TRIM2: variants seen among roughly 807,000 people sequenced by gnomAD.
TRIM2 encodes tripartite motif-containing protein 2.
TRIM2 carries 20 observed loss-of-function variants against 75.2 expected under a neutral mutation model. The observed-to-expected ratio is 0.27, with a 90% CI of 0.19 to 0.39. The LOEUF (loss-of-function observed/expected upper bound fraction) is 0.39. Ranked by LOEUF, TRIM2 falls within the 10% of genes least tolerant of loss-of-function variation. The pLI, the probability that TRIM2 is intolerant of heterozygous loss-of-function variation, is 1.00. For synonymous variants in TRIM2, 373 were observed against 388.3 expected (o/e 0.96, Z 0.46); for missense variants, 660 against 990.8 (o/e 0.67, Z 4.48).
chr4:153,223,776 C>G (rs903826951), intron 1 of TRIM2, among the ~76,000 whole-genome samples: 2 of 152,186 alleles, frequency 1.3e-5, no homozygotes, highest in African/African-American at 4.8e-5. Context: ...CCCGGGAAAT[C>G]ACCAGCTTTA....
At chr4:153,210,924 C>T (rs1446211286) in intron 1 of TRIM2, among the ~76,000 whole-genome samples, 2 of 152,196 alleles carry the variant, frequency 1.3e-5, no homozygotes, top group African/African-American at 4.8e-5. Flanking sequence ...CAGCCCTCTT[C>T]CCACACTCAA....
At chr4:153,316,841 A>G (rs112030629) in intron 8 of TRIM2, among the ~76,000 whole-genome samples, 1 of 147,728 alleles carries the variant, frequency 6.8e-6, no homozygotes, top group Non-Finnish European at 1.5e-5. Context: ...ACACGTCGTC[A>G]AAGATCTTTG....
In TRIM2 at chr4:153,261,492, G is replaced by A. The variant is rs373106288; in HGVS notation, c.31-8843G>A. 2.1e-4 allele frequency among the ~76,000 whole-genome samples: 32 copies of A among 152,198 alleles called. No homozygotes were observed. The East Asian group carries it at 4.2e-3, about 20-fold the overall frequency. Reference sequence around the variant, plus strand: ...AGTGGCACCAAAGAGAAGCAATAACGCAGGAATGCCATAAAATTAGACTGT... The same window carrying A: ...AGTGGCACCAAAGAGAAGCAATAACACAGGAATGCCATAAAATTAGACTGT... On this transcript the variant is annotated intron_variant, in intron 1 of 11. Transcript: ENST00000338700.
chr4:153,175,018 T>G (rs1249538421), intron 1 of TRIM2, among the ~76,000 whole-genome samples: 1 of 30,908 alleles, frequency 3.2e-5, no homozygotes, highest in African/African-American at 1.1e-4. Flanking sequence ...TTTTGTTTTG[T>G]TTTTTTTTGA....
At chr4:153,219,484 G>A (rs1328311266) in intron 1 of TRIM2, among the ~76,000 whole-genome samples, 1 of 152,050 alleles carries the variant, frequency 6.6e-6, no homozygotes, top group South Asian at 2.1e-4. Flanking sequence ...CCACAGATTT[G>A]CCCTGAAACC....
Position 153,315,901 on chromosome 4 carries a change from C to A in TRIM2, c.1684C>A (p.Arg562=). ...GGGACGCTCTCCGGGGCAGCTGCAG[C>A]GGCCCACAGGAGTGGCTGTACATCC... The part of the protein sequence containing the change: ...IRGRSPGQLQ[R]PTGVAVHPSG... Residue 562 remains arginine, a synonymous_variant, in exon 8 of 12, where the codon CGG becomes AGG. Transcript: ENST00000338700. 2.5e-6 allele frequency: 4 copies of A among 1,614,010 alleles called. No individual in the cohort carries two copies. The highest frequency in any genetic ancestry group is 3.4e-6 in the Non-Finnish European group (4 of 1,179,974).
At chr4:153,168,519 G>A (rs945494668) in intron 1 of TRIM2, among the ~76,000 whole-genome samples, 3 of 152,130 alleles carry the variant, frequency 2.0e-5, no homozygotes, top group African/African-American at 7.2e-5. Context: ...GGGAACCACA[G>A]AGTTAGATGA....
chr4:153,241,851 C>T (rs1047248200), intron 1 of TRIM2, among the ~76,000 whole-genome samples: 2 of 152,130 alleles, frequency 1.3e-5, no homozygotes, highest in Non-Finnish European at 2.9e-5. Flanking sequence ...ATAAAGGTCC[C>T]AGGATGCTGC....
In TRIM2 at chr4:153,338,621, A is replaced by G; in HGVS notation, c.*3655A>G. On this transcript the variant is annotated 3_prime_UTR_variant, in exon 12 of 12. Transcript: ENST00000338700. ...TCAAAGATTTGTTTGGTATAAATAA[A>G]GAATTATTTGTTTTGTTTTCAATGA... The G allele has an allele frequency of 2.0e-6, 2 of 985,248 alleles. No homozygotes were observed. The highest frequency in any genetic ancestry group is 9.4e-5 in the South Asian group (2 of 21,274). The allele number at this position is 985,248 out of a possible 1,614,324, so 61.0% of individuals were successfully genotyped here.
intron 1 of TRIM2, among the ~76,000 whole-genome samples, chr4:153,241,727 G>A (rs192932000): frequency 4.7e-4 from 72 of 152,192 alleles, no homozygotes; most frequent in Non-Finnish European, 6.9e-4. Context: ...AAAACAAGGC[G>A]GCCTCCTTTT....
chr4:153,339,010 C>T lies in TRIM2; in HGVS notation c.*4044C>T, dbSNP rs571313365. 1 of 981,580 alleles carries T rather than the reference C, an allele frequency of 1.0e-6. No individual in the cohort carries two copies. Among genetic ancestry groups the T allele is most frequent in the Non-Finnish European group, 1.2e-6 (1 of 828,884 alleles). 60.8% of individuals were successfully genotyped at this position (981,580 alleles called of 1,614,324 possible). A position where few individuals can be genotyped will look rare whatever the true frequency, so the allele number is the denominator to read the frequency against. On this transcript the variant is annotated 3_prime_UTR_variant, in exon 12 of 12. Coordinates refer to ENST00000338700, the MANE Select transcript of TRIM2 (RefSeq NM_015271.5). ...TTTTGTACATTCCATCTTTATAGGT[C>T]TGTTTCATATGTTTTATGTATAGAA...
In TRIM2 at chr4:153,324,111, A is replaced by G; in HGVS notation, c.1985A>G (p.Glu662Gly). 6.2e-7 allele frequency: 1 copy of G among 1,612,634 alleles called. No individual in the cohort carries two copies. The highest frequency in any genetic ancestry group is 8.5e-7 in the Non-Finnish European group (1 of 1,179,598). Reference protein sequence around the residue: ...PHFAAVNSNNEIIITDFHNHS... With the variant: ...PHFAAVNSNNGIIITDFHNHS... ...TTTGCAGCTGTAAATAGCAATAATG[A>G]GATTATTATTACAGATTTCCATAAT... The change falls in exon 10 of 12, where the codon GAG (glutamate) becomes GGG (glycine). Residue 662 changes from glutamate (E) to glycine (G), a missense_variant. By Grantham distance (98) the Glu-to-Gly change is moderately conservative (BLOSUM62 -2). Around this residue, in one of 2 missense-constraint regions of TRIM2, gnomAD observed 620 missense variants for 891.0 expected, o/e 0.70. Coordinates refer to ENST00000338700, the MANE Select transcript of TRIM2 (RefSeq NM_015271.5).
intron 1 of TRIM2, among the ~76,000 whole-genome samples, chr4:153,212,758 C>T (rs1737410813): frequency 1.3e-5 from 2 of 152,152 alleles, no homozygotes; most frequent in South Asian, 4.1e-4. Context: ...TTGTTTGTGG[C>T]TTTGGTGGGT....
intron 1 of TRIM2, among the ~76,000 whole-genome samples, chr4:153,168,810 T>C (rs868373808): frequency 6.6e-6 from 1 of 152,300 alleles, no homozygotes; most frequent in Middle Eastern, 3.4e-3. Flanking sequence ...TCTCTAAGGC[T>C]GGGTGTATTG....
At chr4:153,307,969 T>A (rs969892832) in intron 6 of TRIM2, 2 of 758,016 alleles carry the variant, frequency 2.6e-6, no homozygotes, top group African/African-American at 3.4e-5. Context: ...TACAGGGGCT[T>A]GTTCTGAATA....
At position 153,336,085 on chromosome 4, in the gene TRIM2, T is replaced by C. The variant is rs955162453; in HGVS notation, c.*1119T>C. On this transcript the variant is annotated 3_prime_UTR_variant, in exon 12 of 12. Transcript: ENST00000338700. ...GAATAGTAGAGGTGTCAAGGGACTA[T>C]GTATACATGATTAGGGTAAGATAGA... is the stretch of plus-strand genomic sequence containing the variant. 6 of 985,152 alleles carry C rather than the reference T, an allele frequency of 6.1e-6. No individual in the cohort carries two copies. The African/African-American group carries it at 1.1e-4, about 17-fold the overall frequency. The allele number at this position is 985,152 out of a possible 1,614,324, so 61.0% of individuals were successfully genotyped here.
chr4:153,166,490 T>C (rs1579269858), intron 1 of TRIM2, among the ~76,000 whole-genome samples: 1 of 143,700 alleles, frequency 7.0e-6, no homozygotes, highest in East Asian at 2.4e-4. Flanking sequence ...CTCCCTCCCT[T>C]CCTTCCCTCC....
chr4:153,161,038 A>G (rs1024574904), intron 1 of TRIM2, among the ~76,000 whole-genome samples: 4 of 152,226 alleles, frequency 2.6e-5, no homozygotes, highest in African/African-American at 7.2e-5. Flanking sequence ...AAGACTAGGC[A>G]TGCTCATCTT....
In TRIM2 at chr4:153,247,746, A is replaced by G. The variant is rs534982619; in HGVS notation, c.31-22589A>G. 3.4e-4 allele frequency among the ~76,000 whole-genome samples: 51 copies of G among 150,996 alleles called. No individual in the cohort carries two copies. In the South Asian group the frequency reaches 4.4e-3, roughly 13 times the overall value. On this transcript the variant is annotated intron_variant, in intron 1 of 11. Coordinates refer to ENST00000338700, the MANE Select transcript of TRIM2 (RefSeq NM_015271.5). ...CTGATTTTGCATGATTCTGCTCGCT[A>G]TCATTTATTGATGTATTTTATTTGG...
Sources: allele counts gnomAD v4.1 joint callset (sites outside exome capture counted in the v4.1 genomes callset), GRCh38; gene constraint gnomAD v4.1.1; regional missense constraint gnomAD v4.1.1; transcripts MANE v1.5; gene names NCBI Gene and HGNC (gene_info 2026-07-23, HGNC 2026-07-21).